Variants in TTN observed in about 807,000 individuals in gnomAD.
The protein encoded by TTN is titin, also known as connectin.
In TTN, 1,525 loss-of-function variants were observed where a neutral mutation model predicts 3,223.0. That is an observed-to-expected ratio of 0.47 (90% CI 0.45 to 0.49). TTN has a LOEUF of 0.49. Among genes scored for constraint, TTN ranks in the 20% least tolerant of loss-of-function variants. The pLI is 0.00. For missense variants in TTN, 40,786 were observed against 43,424.0 expected (o/e 0.94, Z 5.40); for synonymous variants, 14,094 against 15,161.0 (o/e 0.93, Z 5.17).
At chr2:178,780,575 G>T (rs1194750719) in intron 21 of TTN, among the ~76,000 whole-genome samples, 1 of 152,250 alleles carries the variant, frequency 6.6e-6, no homozygotes, top group Non-Finnish European at 1.5e-5. Flanking sequence ...ATACTGTGTA[G>T]GTCAAGTGAA....
In TTN at chr2:178,608,195, GT is replaced by G; in HGVS notation, c.52687del (p.Thr17563GlnfsTer26). 6.2e-7 allele frequency: 1 copy of G among 1,603,238 alleles called. No homozygotes were observed. Among genetic ancestry groups the G allele is most frequent in the Non-Finnish European group, 8.5e-7 (1 of 1,174,288 alleles). On this transcript the variant is annotated frameshift_variant, in exon 275 of 363. Coordinates refer to ENST00000589042, the MANE Select transcript of TTN (RefSeq NM_001267550.2). LOFTEE classifies it high-confidence loss of function. The stretch of plus-strand genomic sequence containing the variant: ...CTACTTACAGATTGGATCATGTGCT[GT>G]TTTGGGATCTGAAGGTGGACTGAAC... Reference protein sequence around the residue: ...GKFSPPSDPKTAHDPISPPGP... With the variant: ...GKFSPPSDPKXAHDPISPPGP...
chr2:178,612,672 G>A (rs1344082507), intron 265 of TTN, 96 bp from the exon 266 acceptor site: 5 of 1,534,296 alleles, frequency 3.3e-6, no homozygotes, highest in Non-Finnish European at 8.7e-7. Context: ...AATGTAGCCA[G>A]GAGGAAATAA....
intron 47 of TTN, chr2:178,751,762 TG>T: frequency 6.2e-7 from 1 of 1,613,196 alleles, no homozygotes; most frequent in South Asian, 1.1e-5. Context: ...GACGAAGACC[TG>T]TTGGGATGGG....
In TTN at chr2:178,559,344, G is replaced by A. The variant is rs758656233; in HGVS notation, c.86788C>T (p.Pro28930Ser). The A allele has an allele frequency of 1.2e-6, 2 of 1,609,506 alleles. No individual in the cohort carries two copies. The highest frequency in any genetic ancestry group is 1.7e-6 in the Non-Finnish European group (2 of 1,177,328). Residue 28930 changes from proline (P) to serine (S), a missense_variant, in exon 326 of 363, where the codon CCA becomes TCA. Pro to Ser is a moderately conservative substitution (Grantham distance 74). Transcript: ENST00000589042. ...SGENEFGVGI[P>S]AETKEGVKIT... is the part of the protein sequence containing the mutation. ...TTTACTCCTTCCTTTGTTTCAGCTG[G>A]TATACCAACACCAAACTCATTTTCT...
chr2:178,696,323 C>A, intron 113 of TTN, 54 bp from the exon 114 acceptor site: 1 of 1,377,222 alleles, frequency 7.3e-7, no homozygotes, highest in Non-Finnish European at 9.5e-7. Context: ...CCAACTGCTT[C>A]ACTAAACAAA....
In TTN at chr2:178,722,274, T is replaced by C. The variant is rs372826489; in HGVS notation, c.22513A>G (p.Arg7505Gly). 6.3e-6 allele frequency: 10 copies of C among 1,593,434 alleles called. No homozygotes were observed. The highest frequency in any genetic ancestry group is 3.4e-5 in the Admixed American group (2 of 58,044). ...GTGAACAAACCTCTTGCTGTGAGTC[T>C]AGCACTAGAAGATGCTGTTCCAAGT... is the stretch of plus-strand genomic sequence containing the variant. Reference protein sequence around the residue: ...NPLGTASSSARLTAREPKKSP... With the variant: ...NPLGTASSSAGLTAREPKKSP... Residue 7505 changes from arginine (R) to glycine (G), a missense_variant, in exon 77 of 363, where the codon AGA becomes GGA. Physicochemically the swap from Arg to Gly is moderately radical, Grantham distance 125 (BLOSUM62 -2). Coordinates refer to ENST00000589042, the MANE Select transcript of TTN (RefSeq NM_001267550.2).
At chr2:178,790,186 C>G (rs1217068627) in intron 11 of TTN, 71 bp from the exon 12 acceptor site, 1 of 1,531,680 alleles carries the variant, frequency 6.5e-7, no homozygotes, top group Non-Finnish European at 8.8e-7. Flanking sequence ...AAACGTAAGT[C>G]AAAAAGAAAG....
At chr2:178,726,634 G>T (rs1021984612) in intron 69 of TTN, 1 of 153,248 alleles carries the variant, frequency 6.5e-6, no homozygotes, top group African/African-American at 2.4e-5. Context: ...TGATCCTTGA[G>T]AGAGAAGGAA....
chr2:178,666,179 G>A (rs993178611), intron 163 of TTN, among the ~76,000 whole-genome samples: 2 of 152,076 alleles, frequency 1.3e-5, no homozygotes, highest in Non-Finnish European at 2.9e-5. Context: ...TGTTTTTCAA[G>A]TTTAGGAGAG....
At chr2:178,677,569 G>C in intron 146 of TTN, 52 bp downstream of exon 146, 1 of 1,519,666 alleles carries the variant, frequency 6.6e-7, no homozygotes, top group East Asian at 2.3e-5. Flanking sequence ...GGATGGGAAA[G>C]CAGAATTCAA....
Position 178,570,433 on chromosome 2 carries a change from A to G in TTN, c.75699T>C (p.Gly25233=). ...TLAWKPPLQD[G]GSDIINYIVE... ...CAATATAATTTATGATGTCACTCCC[A>G]CCATCCTGAAGTGGGGGTTTCCAAG... The change falls in exon 326 of 363, where the codon GGT becomes GGC. Residue 25233 remains glycine, a synonymous_variant. Coordinates refer to ENST00000589042, the MANE Select transcript of TTN (RefSeq NM_001267550.2). 1 of 1,613,114 alleles carries G rather than the reference A, an allele frequency of 6.2e-7. No homozygotes were observed. Among genetic ancestry groups the G allele is most frequent in the South Asian group, 1.1e-5 (1 of 91,070 alleles).
Position 178,547,451 on chromosome 2 carries a change from C to A in TTN, c.94175G>T (p.Ser31392Ile). ...TATTGGTGCTGATTCTAGAGGTTTG[C>A]TGACACCAAATCTGTTCTCTGAACT... is the stretch of plus-strand genomic sequence containing the variant. ...RVSSENRFGV[S>I]KPLESAPIIA... Residue 31392 changes from serine to isoleucine, a missense_variant, in exon 339 of 363, where the codon AGC (serine) becomes ATC (isoleucine). Ser to Ile is a moderately radical substitution (Grantham distance 142, BLOSUM62 -2). Coordinates refer to ENST00000589042, the MANE Select transcript of TTN (RefSeq NM_001267550.2). 6.2e-7 allele frequency: 1 copy of A among 1,610,470 alleles called. No homozygotes were observed.
intron 9 of TTN, 37 bp from the exon 10 acceptor site, chr2:178,792,234 G>GGCTC: frequency 6.3e-7 from 1 of 1,577,014 alleles, no homozygotes. Flanking sequence ...TTTATTTCCT[G>GGCTC]ATGCCCAATG....
In TTN at chr2:178,766,964, A is replaced by G. The variant is rs371348234; in HGVS notation, c.9472-352T>C. Among the ~76,000 whole-genome samples the G allele has an allele frequency of 5.3e-5, 8 of 152,320 alleles. No homozygotes were observed. The East Asian group carries it at 9.6e-4, about 18-fold the overall frequency. On this transcript the variant is annotated intron_variant, in intron 40 of 362. Coordinates refer to ENST00000589042, the MANE Select transcript of TTN (RefSeq NM_001267550.2). ...TTTATTGTCTAAAAAGTTATTACTTAATTTGATTTCATTTTATATGAATAA... is the reference window on the plus strand; with the variant it reads ...TTTATTGTCTAAAAAGTTATTACTTGATTTGATTTCATTTTATATGAATAA...
chr2:178,720,087 G>A lies in TTN; in HGVS notation c.23555C>T (p.Thr7852Ile), dbSNP rs1183659807. The A allele has an allele frequency of 3.7e-6, 6 of 1,613,604 alleles. No individual in the cohort carries two copies. Among genetic ancestry groups the A allele is most frequent in the Admixed American group, 1.7e-5 (1 of 59,986 alleles). ...TGCTTCTGGACTCCCCAGCTGGAGGGTTGCAATGTTATCAATGAATGAAAT... is the reference window on the plus strand; with the variant it reads ...TGCTTCTGGACTCCCCAGCTGGAGGATTGCAATGTTATCAATGAATGAAAT... ...TRISFIDNIATLQLGSPEASN... is the reference protein window; with the variant it reads ...TRISFIDNIAILQLGSPEASN... Residue 7852 changes from threonine (T) to isoleucine (I), a missense_variant, in exon 81 of 363, where the codon ACC (threonine) becomes ATC (isoleucine). By Grantham distance (89) the Thr-to-Ile change is moderately conservative. Coordinates refer to ENST00000589042, the MANE Select transcript of TTN (RefSeq NM_001267550.2).
In TTN at chr2:178,551,016, T is replaced by G. The variant is rs1699226329; in HGVS notation, c.91515A>C (p.Ile30505=). 10 of 1,613,500 alleles carry G rather than the reference T, an allele frequency of 6.2e-6. No homozygotes were observed. Among genetic ancestry groups the G allele is most frequent in the African/African-American group, 2.7e-5 (2 of 75,030 alleles). ...TGCCAGAAGACTGTGAGGGCGGGCT[T>G]ATAGTTCCAACAGCATTTCTTGCAA... The part of the protein sequence containing the change: ...RIIARNAVGT[I]SPPSQSSGII... The change falls in exon 336 of 363, where the codon ATA becomes ATC. Residue 30505 remains isoleucine (I), a synonymous_variant. Coordinates refer to ENST00000589042, the MANE Select transcript of TTN (RefSeq NM_001267550.2).
Position 178,633,648 on chromosome 2 carries a change from T to C in TTN, c.42711A>G (p.Leu14237=). 6.2e-7 allele frequency: 1 copy of C among 1,612,968 alleles called. No homozygotes were observed. Among genetic ancestry groups the C allele is most frequent in the South Asian group, 1.1e-5 (1 of 91,044 alleles). ...LEADPYFTVK[L]HDKTAVEKDE... is the part of the protein sequence containing the mutation. Reference sequence around the variant, plus strand: ...CCTTCTCCACTGCAGTTTTGTCATGTAATTTCACAGTGAAGTAGGGATCGG... The same window carrying C: ...CCTTCTCCACTGCAGTTTTGTCATGCAATTTCACAGTGAAGTAGGGATCGG... Residue 14237 remains leucine (L), a synonymous_variant, in exon 232 of 363, where the codon TTA becomes TTG. Coordinates refer to ENST00000589042, the MANE Select transcript of TTN (RefSeq NM_001267550.2).
intron 301 of TTN, 25 bp from the exon 302 acceptor site, chr2:178,592,302 G>GA (rs763434300): frequency 5.6e-6 from 9 of 1,601,948 alleles, no homozygotes; most frequent in Non-Finnish European, 7.6e-6. Flanking sequence ...ATAACAGTTT[G>GA]ATAAGTAATT....
chr2:178,617,304 T>C (rs908762509), intron 254 of TTN, 21 bp downstream of exon 254: 2 of 1,547,878 alleles, frequency 1.3e-6, no homozygotes, highest in Non-Finnish European at 1.7e-6. Context: ...GAATATTCTT[T>C]TTTATATGCA....
Sources: allele counts gnomAD v4.1 joint callset (sites outside exome capture counted in the v4.1 genomes callset), GRCh38; gene constraint gnomAD v4.1.1; transcripts MANE v1.5; gene names NCBI Gene and HGNC (gene_info 2026-07-23, HGNC 2026-07-21).